Variants in KIF26B observed in about 807,000 individuals in gnomAD.
The protein encoded by KIF26B is kinesin family member 26B, also known as kinesin-like protein KIF26B.
Under a neutral mutation model 151.2 loss-of-function variants are expected in KIF26B, and 63 were observed. That is an observed-to-expected ratio of 0.42 (90% confidence interval 0.34 to 0.51). KIF26B has a LOEUF of 0.51. Among genes scored for constraint, KIF26B ranks in the 20% least tolerant of loss-of-function variants. The probability of loss-of-function intolerance (pLI) is 0.07; values close to 1 mark genes in which losing one functional copy is unlikely to be tolerated. For missense variants in KIF26B, 2,813 were observed against 2,913.6 expected (o/e 0.97, Z 0.79); for synonymous variants, 1,357 against 1,262.1 (o/e 1.08, Z -1.59).
intron 4 of KIF26B, among the ~76,000 whole-genome samples, chr1:245,530,981 G>A (rs959469970): frequency 1.3e-5 from 2 of 152,120 alleles, no homozygotes; most frequent in Non-Finnish European, 2.9e-5. Context: ...CTGTGTATGT[G>A]GGGGGAGGTT....
At position 245,643,010 on chromosome 1, in the gene KIF26B, T is replaced by G. The variant is rs12096408; in HGVS notation, c.2099-3111T>G. Among the ~76,000 whole-genome samples the G allele has an allele frequency of 2.1e-3, 318 of 152,296 alleles. 1 individual carries two copies. The highest frequency in any genetic ancestry group is 7.3e-3 in the African/African-American group (303 of 41,562). On this transcript the variant is annotated intron_variant, in intron 9 of 14. Transcript: ENST00000407071. ...AGCACAAATGGGATAGGTCTTTGAC[T>G]GTCTTCAGTCTCTTTTGTCTAATAT...
intron 4 of KIF26B, among the ~76,000 whole-genome samples, chr1:245,527,028 C>T (rs1339717418): frequency 6.6e-6 from 1 of 152,218 alleles, no homozygotes; most frequent in African/African-American, 2.4e-5. Context: ...TGAGTGGTCA[C>T]TCTTGGCTTT....
intron 5 of KIF26B, among the ~76,000 whole-genome samples, chr1:245,552,122 G>GATGTGTGTGTGT (rs1553287299): frequency 0.013 from 1,653 of 131,656 alleles, 92 homozygotes; most frequent in Non-Finnish European, 0.016. Context: ...GAACCAGCAG[G>GATGTGTGTGTGT]GTGTGTGTGT....
intron 10 of KIF26B, among the ~76,000 whole-genome samples, chr1:245,662,185 AT>A (rs2044152602): frequency 6.6e-6 from 1 of 150,564 alleles, no homozygotes; most frequent in Non-Finnish European, 1.5e-5. Flanking sequence ...CACACCCAAT[AT>A]ATATATACCC....
chr1:245,617,586 C>T (rs61126086), intron 9 of KIF26B, among the ~76,000 whole-genome samples: 3,222 of 152,224 alleles, frequency 0.021, 123 homozygotes, highest in African/African-American at 0.073. Flanking sequence ...TCCCCAGCAG[C>T]GAAGCCCTGT....
rs1450798158 is a variant in KIF26B, at chr1:245,560,537, G to GA, written c.1350+19595dup. Reference sequence around the variant, plus strand: ...ATACTCTCGGTTCCTAATTATGTTAGAAAAAAAAGCAAAGCGGGAACTTGG... The same window carrying GA: ...ATACTCTCGGTTCCTAATTATGTTAGAAAAAAAAAGCAAAGCGGGAACTTGG... On this transcript the variant is annotated intron_variant, in intron 5 of 14. Coordinates refer to ENST00000407071, the MANE Select transcript of KIF26B (RefSeq NM_018012.4). This position sits in a 1 kb window ranked among gnomAD's most constrained non-coding sequence, Gnocchi z 4.3. Among the ~76,000 whole-genome samples, 2 of 151,930 alleles carry GA rather than the reference G, an allele frequency of 1.3e-5. No individual in the cohort carries two copies. Among genetic ancestry groups the GA allele is most frequent in the East Asian group, 3.9e-4 (2 of 5,168 alleles).
chr1:245,249,026 G>A (rs1055129304), intron 2 of KIF26B, among the ~76,000 whole-genome samples: 104 of 152,322 alleles, frequency 6.8e-4, no homozygotes, highest in Middle Eastern at 3.4e-3. Context: ...GCTGAGTAAG[G>A]CAGGGGGCAA....
At chr1:245,531,223 C>A (rs1384124623) in intron 4 of KIF26B, among the ~76,000 whole-genome samples, 1 of 152,138 alleles carries the variant, frequency 6.6e-6, no homozygotes, top group African/African-American at 2.4e-5. Flanking sequence ...GGTTTTTTAT[C>A]TTCATTATTA....
intron 4 of KIF26B, among the ~76,000 whole-genome samples, chr1:245,515,934 G>T (rs1446570139): frequency 2.0e-5 from 3 of 152,204 alleles, no homozygotes; most frequent in South Asian, 4.1e-4. Context: ...GAAAGAGAAA[G>T]AATCATCATG....
intron 2 of KIF26B, among the ~76,000 whole-genome samples, chr1:245,234,801 G>A (rs1244294642): frequency 2.6e-5 from 4 of 152,168 alleles, no homozygotes; most frequent in Non-Finnish European, 5.9e-5. Context: ...TCCAGGCCTC[G>A]CAACACCGGC....
rs75186527 is a variant in KIF26B, at chr1:245,370,674, C to A, written c.999+3307C>A. 4.4e-3 allele frequency: 2,014 copies of A among 454,704 alleles called. 27 individuals carry two copies. Among genetic ancestry groups the A allele is most frequent in the African/African-American group, 0.033 (1,653 of 50,156 alleles). The allele number at this position is 454,704 out of a possible 1,614,324, so 28.2% of individuals were successfully genotyped here. A position where few individuals can be genotyped will look rare whatever the true frequency, so the allele number is the denominator to read the frequency against. On this transcript the variant is annotated intron_variant, in intron 3 of 14. Coordinates refer to ENST00000407071, the MANE Select transcript of KIF26B (RefSeq NM_018012.4). ...AGGACAGAGGAGCATGAAACTGGTG[C>A]TTTCCTGTAAAATATTCAAAGTGAG...
chr1:245,169,328 G>GGTGTGTGGGTGTGTGTGTGTGTGT (rs56332945), intron 2 of KIF26B, among the ~76,000 whole-genome samples: 3 of 134,092 alleles, frequency 2.2e-5, no homozygotes, highest in Non-Finnish European at 4.7e-5. Flanking sequence ...AACGGGCCAT[G>GGTGTGTGGGTGTGTGTGTGTGTGT]GTGTGTGTGT....
intron 9 of KIF26B, among the ~76,000 whole-genome samples, chr1:245,630,292 T>C (rs2043767172): frequency 6.6e-6 from 1 of 152,228 alleles, no homozygotes; most frequent in Non-Finnish European, 1.5e-5. Flanking sequence ...CATATATTTA[T>C]TGCAGCACTA....
At chr1:245,184,050 G>GTTTTTTGTTTTTTTTTTT (rs1553332272) in intron 2 of KIF26B, among the ~76,000 whole-genome samples, 26 of 19,810 alleles carry the variant, frequency 1.3e-3, no homozygotes, top group African/African-American at 2.0e-3. Context: ...GGGAGTTGTT[G>GTTTTTTGTTTTTTTTTTT]TTTTTTTTTT....
At chr1:245,263,404 C>T (rs1286077456) in intron 2 of KIF26B, among the ~76,000 whole-genome samples, 5 of 152,184 alleles carry the variant, frequency 3.3e-5, no homozygotes, top group Admixed American at 3.3e-4. Flanking sequence ...TTCGGTGCTT[C>T]CCTTCTCACT....
At chr1:245,219,127 C>CTTTTTTTTTTTTTTT (rs1166578525) in intron 2 of KIF26B, among the ~76,000 whole-genome samples, 6 of 56,188 alleles carry the variant, frequency 1.1e-4, no homozygotes, top group African/African-American at 3.9e-4. Context: ...ATACCTACCT[C>CTTTTTTTTTTTTTTT]TTTTTTTTTT....
At chr1:245,310,075 A>G (rs1282651560) in intron 2 of KIF26B, among the ~76,000 whole-genome samples, 1 of 146,818 alleles carries the variant, frequency 6.8e-6, no homozygotes, top group Non-Finnish European at 1.5e-5. Flanking sequence ...TATATATAAT[A>G]TTTATTTTAT....
intron 10 of KIF26B, among the ~76,000 whole-genome samples, chr1:245,657,903 CTG>C (rs1455729387): frequency 2.0e-5 from 3 of 152,186 alleles, no homozygotes; most frequent in African/African-American, 7.2e-5. Flanking sequence ...GACAAAAAAT[CTG>C]TGTGCCCACC....
At chr1:245,502,452 A>G (rs936956291) in intron 4 of KIF26B, among the ~76,000 whole-genome samples, 2 of 150,016 alleles carry the variant, frequency 1.3e-5, no homozygotes, top group Non-Finnish European at 3.0e-5. Context: ...GCTTGAACCC[A>G]GGAGGGGGAG....
Sources: allele counts gnomAD v4.1 joint callset (sites outside exome capture counted in the v4.1 genomes callset), GRCh38; gene constraint gnomAD v4.1.1; non-coding constraint Gnocchi (gnomAD v3.1); transcripts MANE v1.5; gene names NCBI Gene and HGNC (gene_info 2026-07-23, HGNC 2026-07-21).